The following SYNE2 variants were observed in gnomAD, a reference collection of about 807,000 sequenced individuals.
SYNE2 encodes nesprin-2.
SYNE2 carries 431 observed loss-of-function variants against 856.3 expected under a neutral mutation model. The observed-to-expected ratio is 0.50, with a 90% CI of 0.47 to 0.55. The LOEUF is 0.55. Among genes scored for constraint, SYNE2 ranks in the 20% least tolerant of loss-of-function variants. SYNE2 has a pLI of 0.00. For synonymous variants in SYNE2, 2,923 were observed against 2,872.3 expected (o/e 1.02, Z -0.56); for missense variants, 8,129 against 8,023.2 (o/e 1.01, Z -0.50).
chr14:64,008,400 C>T (rs987472139), intron 31 of SYNE2, among the ~76,000 whole-genome samples: 5 of 152,178 alleles, frequency 3.3e-5, no homozygotes, highest in African/African-American at 7.2e-5. Flanking sequence ...CTTTACCACA[C>T]GCCCCTACCT....
In SYNE2 at chr14:64,152,603, G is replaced by A; in HGVS notation, c.15679G>A (p.Asp5227Asn). 6.2e-7 allele frequency: 1 copy of A among 1,614,098 alleles called. No homozygotes were observed. Among genetic ancestry groups the A allele is most frequent in the Non-Finnish European group, 8.5e-7 (1 of 1,179,996 alleles). Residue 5227 changes from aspartate to asparagine, a missense_variant, in exon 85 of 116, where the codon GAT (aspartate) becomes AAT (asparagine). Asp to Asn is a conservative substitution (Grantham distance 23). This residue lies in a region of SYNE2 where 5,410 missense variants were observed against 5,284.8 expected (regional missense o/e 1.02). Transcript: ENST00000555002. Reference protein sequence around the residue: ...NQLAIKSKALDELKQSYLTLE... With the variant: ...NQLAIKSKALNELKQSYLTLE... ...ACTTGCAATTAAATCCAAAGCACTA[G>A]ATGAGTTGAAACAAAGTTATCTGAC...
intron 1 of SYNE2, among the ~76,000 whole-genome samples, chr14:63,872,302 C>T (rs527903606): frequency 1.3e-5 from 2 of 151,992 alleles, no homozygotes; most frequent in East Asian, 3.9e-4. Flanking sequence ...TGGTGGCACA[C>T]GCCTGTAATC....
At chr14:64,031,407 G>A (rs1215671756) in intron 45 of SYNE2, 50 bp downstream of exon 45, 16 of 1,538,816 alleles carry the variant, frequency 1.0e-5, no homozygotes, top group Admixed American at 3.4e-5. Flanking sequence ...AGAATGAAGA[G>A]GTATTTGGCT....
chr14:64,216,991 G>A (rs1170548667), intron 108 of SYNE2, among the ~76,000 whole-genome samples: 3 of 152,170 alleles, frequency 2.0e-5, no homozygotes, highest in Admixed American at 1.3e-4. Context: ...CTCCCAAAGC[G>A]CTGGGATTAC....
intron 63 of SYNE2, among the ~76,000 whole-genome samples, chr14:64,100,531 A>AAAAAATATATAT (rs1491537041): frequency 5.1e-5 from 2 of 39,480 alleles, no homozygotes; most frequent in African/African-American, 9.2e-5. Context: ...AAAAAAAAAA[A>AAAAAATATATAT]ATATATATAT....
intron 1 of SYNE2, among the ~76,000 whole-genome samples, chr14:63,861,307 G>C (rs1406086716): frequency 2.6e-5 from 4 of 151,816 alleles, no homozygotes; most frequent in African/African-American, 7.3e-5. Flanking sequence ...ACCACGCCCA[G>C]CTAATTTTTG....
At chr14:63,957,626 T>C (rs2096257085) in intron 8 of SYNE2, among the ~76,000 whole-genome samples, 1 of 151,892 alleles carries the variant, frequency 6.6e-6, no homozygotes, top group South Asian at 2.1e-4. Flanking sequence ...CCCAGCACTT[T>C]GGGAGTCTGA....
intron 1 of SYNE2, among the ~76,000 whole-genome samples, chr14:63,808,114 G>A (rs1216891420): frequency 7.0e-6 from 1 of 142,650 alleles, no homozygotes; most frequent in Non-Finnish European, 1.5e-5. Flanking sequence ...TTTTTATAGA[G>A]ATGAGGTTTT....
At chr14:63,978,698 C>A (rs913659724) in intron 13 of SYNE2, among the ~76,000 whole-genome samples, 154 bp from the exon 14 acceptor site, 7 of 152,024 alleles carry the variant, frequency 4.6e-5, no homozygotes, top group Non-Finnish European at 1.0e-4. Flanking sequence ...ATTCGTTTTA[C>A]AATGTTTAAA....
intron 9 of SYNE2, 64 bp from the exon 10 acceptor site, chr14:63,963,834 AT>A: frequency 4.5e-6 from 5 of 1,103,570 alleles, no homozygotes; most frequent in Non-Finnish European, 6.8e-6. Flanking sequence ...CAAGTTGCTA[AT>A]TTTTTTGTTA....
chr14:64,046,717 C>T (rs1026832012), intron 45 of SYNE2, among the ~76,000 whole-genome samples: 37 of 152,192 alleles, frequency 2.4e-4, no homozygotes, highest in African/African-American at 8.7e-4. Flanking sequence ...AAAAGAGGCA[C>T]CTCGTCTACT....
At chr14:64,132,156 G>A (rs1369048150) in intron 76 of SYNE2, 109 bp from the exon 77 acceptor site, 9 of 1,324,416 alleles carry the variant, frequency 6.8e-6, no homozygotes, top group Non-Finnish European at 9.5e-6. Flanking sequence ...CGGATGTCCT[G>A]GGATTTTGGA....
chr14:64,005,617 T>C (rs2096790263), intron 30 of SYNE2, among the ~76,000 whole-genome samples: 1 of 152,168 alleles, frequency 6.6e-6, no homozygotes, highest in African/African-American at 2.4e-5. Flanking sequence ...TGTATCAGTA[T>C]TGAATGAAAG....
At chr14:64,073,171 C>T (rs1205167641) in intron 52 of SYNE2, among the ~76,000 whole-genome samples, 1 of 152,058 alleles carries the variant, frequency 6.6e-6, no homozygotes, top group Non-Finnish European at 1.5e-5. Flanking sequence ...CTGTCCCCTC[C>T]CCCAGAGGTT....
chr14:64,125,043 A>C, intron 70 of SYNE2, 36 bp from the exon 71 acceptor site: 1 of 1,613,674 alleles, frequency 6.2e-7, no homozygotes, highest in African/African-American at 1.3e-5. Flanking sequence ...GCAGGGTCTA[A>C]AACTGTCAGT....
chr14:63,876,767 T>G (rs1482491738), intron 1 of SYNE2, among the ~76,000 whole-genome samples: 1 of 152,222 alleles, frequency 6.6e-6, no homozygotes, highest in African/African-American at 2.4e-5. Flanking sequence ...ATTACAGGCA[T>G]GAGCCACTGC....
At chr14:64,130,846 C>G (rs2098010679) in intron 76 of SYNE2, among the ~76,000 whole-genome samples, 2 of 149,924 alleles carry the variant, frequency 1.3e-5, no homozygotes, top group African/African-American at 4.9e-5. Flanking sequence ...GATCACGCCC[C>G]TGCACTCCAG....
At chr14:63,930,441 T>G (rs1167143691) in intron 2 of SYNE2, among the ~76,000 whole-genome samples, 1 of 152,122 alleles carries the variant, frequency 6.6e-6, no homozygotes, top group Non-Finnish European at 1.5e-5. Flanking sequence ...CTTCTGGGTT[T>G]GTGAACACAT....
intron 100 of SYNE2, among the ~76,000 whole-genome samples, chr14:64,204,989 A>C (rs1394220181): frequency 1.3e-5 from 2 of 152,028 alleles, no homozygotes; most frequent in African/African-American, 4.8e-5. Flanking sequence ...TCTGCCTTCA[A>C]CGCCGTCAAC....
Sources: gnomAD v4.1 joint callset for allele counts (sites outside exome capture counted in the v4.1 genomes callset) on GRCh38, gnomAD v4.1.1 for gene constraint, gnomAD v4.1.1 regional missense constraint, MANE v1.5 for transcripts, NCBI Gene and HGNC (gene_info 2026-07-23, HGNC 2026-07-21) for gene names.